Variants in CCDC169 observed in about 807,000 individuals in gnomAD.
The protein encoded by CCDC169 is coiled-coil domain containing 169.
In CCDC169, 30 loss-of-function variants were observed where a neutral mutation model predicts 36.0. That is an observed-to-expected ratio of 0.83 (90% confidence interval 0.62 to 1.13). CCDC169 has a LOEUF of 1.13. Ranked by LOEUF, CCDC169 falls within the 50% of genes most tolerant of loss-of-function variation. The pLI is 0.00. For synonymous variants in CCDC169, 85 were observed against 81.5 expected (o/e 1.04, Z -0.23); for missense variants, 245 against 245.9 (o/e 1.00, Z 0.03).
intron 6 of CCDC169, among the ~76,000 whole-genome samples, chr13:36,251,869 A>G (rs1047666737): frequency 1.2e-4 from 18 of 152,186 alleles, no homozygotes; most frequent in African/African-American, 4.1e-4. Context: ...CAGGAAAGTG[A>G]TATTCACCAT....
chr13:36,259,598 G>T (rs764072080), intron 4 of CCDC169, among the ~76,000 whole-genome samples: 1 of 152,098 alleles, frequency 6.6e-6, no homozygotes, highest in African/African-American at 2.4e-5. Flanking sequence ...GACAGCCCAC[G>T]ACCAACCAGA....
intron 7 of CCDC169, among the ~76,000 whole-genome samples, chr13:36,238,646 T>C (rs1410383358): frequency 6.6e-6 from 1 of 152,184 alleles, no homozygotes; most frequent in Admixed American, 6.5e-5. Context: ...TAAATGATTT[T>C]CTATTACACT....
chr13:36,286,088 G>A (rs1480409204), intron 2 of CCDC169, among the ~76,000 whole-genome samples: 2 of 152,196 alleles, frequency 1.3e-5, no homozygotes, highest in African/African-American at 4.8e-5. Context: ...GCCTGAGCCT[G>A]CCAGTCTGGT....
chr13:36,275,505 G>GT (rs1236155535), intron 4 of CCDC169, among the ~76,000 whole-genome samples: 1 of 152,150 alleles, frequency 6.6e-6, no homozygotes, highest in East Asian at 1.9e-4. Flanking sequence ...AGTGAGGGCT[G>GT]TCCACAGAAC....
rs66633645 is a variant in CCDC169 at position 36,272,084 on chromosome 13, C to CAA, written c.315+11383_315+11384dup. Among the ~76,000 whole-genome samples the CAA allele has an allele frequency of 2.2e-3, 229 of 101,894 alleles. 1 individual carries two copies. The highest frequency in any genetic ancestry group is 0.011 in the Middle Eastern group (2 of 186). The allele number at this position is 101,894 out of a possible 152,430, so 66.8% of individuals were successfully genotyped here. A position where few individuals can be genotyped will look rare whatever the true frequency, so the allele number is the denominator to read the frequency against. ...CGGGTGACAGAGTGAGGCTCCGTCT[C>CAA]AAAAAAAAAAAAAACTAAAAAAATA... On this transcript the variant is annotated intron_variant, in intron 4 of 7. Transcript: ENST00000239859.
At chr13:36,233,975 A>G (rs1235958200) in intron 7 of CCDC169, among the ~76,000 whole-genome samples, 1 of 152,184 alleles carries the variant, frequency 6.6e-6, no homozygotes, top group Non-Finnish European at 1.5e-5. Context: ...TCTAGGAGAG[A>G]CTGAAAGTCT....
chr13:36,277,701 C>T (rs1478694692), intron 4 of CCDC169, among the ~76,000 whole-genome samples: 3 of 152,122 alleles, frequency 2.0e-5, no homozygotes, highest in Admixed American at 2.0e-4. Flanking sequence ...GTGGCTCACG[C>T]CTGTAATGGG....
intron 4 of CCDC169, among the ~76,000 whole-genome samples, chr13:36,260,591 T>C (rs1874483920): frequency 6.6e-6 from 1 of 152,162 alleles, no homozygotes; most frequent in Non-Finnish European, 1.5e-5. Context: ...GTAAAACAAA[T>C]GTATGGAAAC....
downstream of CCDC169, among the ~76,000 whole-genome samples, chr13:36,228,605 G>A (rs960924821): frequency 1.3e-5 from 2 of 151,858 alleles, no homozygotes; most frequent in African/African-American, 2.4e-5. Flanking sequence ...TGTTGCCCAC[G>A]CTGGAGTGCA....
chr13:36,284,675 C>A (rs1398229619), intron 2 of CCDC169, among the ~76,000 whole-genome samples: 1 of 152,160 alleles, frequency 6.6e-6, no homozygotes, highest in African/African-American at 2.4e-5. Context: ...AGATTCAAAG[C>A]CCAAAGCTAA....
chr13:36,232,971 G>A (rs1053219563), intron 7 of CCDC169, among the ~76,000 whole-genome samples: 2 of 152,154 alleles, frequency 1.3e-5, no homozygotes, highest in African/African-American at 4.8e-5. Flanking sequence ...GTAACTGTGG[G>A]TATGCATAGG....
chr13:36,291,932 G>T (rs559111812), intron 2 of CCDC169, among the ~76,000 whole-genome samples: 2 of 151,634 alleles, frequency 1.3e-5, no homozygotes, highest in South Asian at 4.2e-4. Flanking sequence ...GCCTATAAAA[G>T]ACTCAAAGGA....
At chr13:36,288,615 C>G (rs1190559682) in intron 2 of CCDC169, among the ~76,000 whole-genome samples, 2 of 152,138 alleles carry the variant, frequency 1.3e-5, no homozygotes, top group East Asian at 1.9e-4. Context: ...ATCTGATAAA[C>G]AGTTCAGGAT....
chr13:36,291,570 T>G (rs962461092), intron 2 of CCDC169, among the ~76,000 whole-genome samples: 1 of 152,186 alleles, frequency 6.6e-6, no homozygotes, highest in East Asian at 1.9e-4. Flanking sequence ...ATTTTCTAAT[T>G]CTTTATTAAT....
In CCDC169 at chr13:36,254,073, T is replaced by A. The variant is rs1001192443; in HGVS notation, c.386A>T (p.Tyr129Phe). The A allele has an allele frequency of 7.7e-6, 12 of 1,548,722 alleles. No homozygotes were observed. The highest frequency in any genetic ancestry group is 1.0e-5 in the Non-Finnish European group (12 of 1,146,098). The change falls in exon 5 of 8, where the codon TAT becomes TTT. Residue 129 changes from tyrosine (Y) to phenylalanine (F), a missense_variant. Physicochemically the swap from Tyr to Phe is conservative, Grantham distance 22. Coordinates refer to ENST00000239859, the MANE Select transcript of CCDC169 (RefSeq NM_001144981.3). Reference sequence around the variant, plus strand: ...TGATTCTTGTTCCAGTTTAAGTGCATAGTATTTCACTTGACTTTCAAGAGT... The same window carrying A: ...TGATTCTTGTTCCAGTTTAAGTGCAAAGTATTTCACTTGACTTTCAAGAGT... ...KKTLESQVKY[Y>F]ALKLEQESKA...
intron 6 of CCDC169, 146 bp downstream of exon 6, chr13:36,253,657 G>A (rs1167426225): frequency 1.4e-5 from 13 of 940,054 alleles, no homozygotes; most frequent in South Asian, 1.9e-5. Flanking sequence ...TATACAAGTT[G>A]TATATTTTCC....
chr13:36,278,534 C>T lies in CCDC169; in HGVS notation c.315+4935G>A, dbSNP rs1877115233. On this transcript the variant is annotated intron_variant, in intron 4 of 7. Coordinates refer to ENST00000239859, the MANE Select transcript of CCDC169 (RefSeq NM_001144981.3). Reference sequence around the variant, plus strand: ...AACTCTGGACAACGTGTTTTATCCTCTCCTACAGCAGAATTTTCTAGAACA... The same window carrying T: ...AACTCTGGACAACGTGTTTTATCCTTTCCTACAGCAGAATTTTCTAGAACA... Among the ~76,000 whole-genome samples, 3 of 152,154 alleles carry T rather than the reference C, an allele frequency of 2.0e-5. No individual in the cohort carries two copies. In the South Asian group the frequency reaches 6.2e-4, roughly 32 times the overall value.
At position 36,297,770 on chromosome 13, in the gene CCDC169, C is replaced by T; in HGVS notation, c.-51G>A. ...TCTTTCCCCTCAGCACCTTAGAGCA[C>T]AAGACATTAAGGGCCACCCAGAAGC... On this transcript the variant is annotated 5_prime_UTR_variant, in exon 1 of 8. In the 5' UTR this introduces an upstream ATG that the reference lacks. Transcript: ENST00000239859. The T allele has an allele frequency of 1.3e-6, 2 of 1,517,154 alleles. No individual in the cohort carries two copies. The highest frequency in any genetic ancestry group is 1.7e-4 in the Middle Eastern group (1 of 5,944). The allele number at this position is 1,517,154 out of a possible 1,614,324, so 94.0% of individuals were successfully genotyped here. A position where few individuals can be genotyped will look rare whatever the true frequency, so the allele number is the denominator to read the frequency against.
chr13:36,254,216 T>C, intron 4 of CCDC169, 73 bp from the exon 5 acceptor site: 1 of 1,063,192 alleles, frequency 9.4e-7, no homozygotes, highest in Non-Finnish European at 1.3e-6. Flanking sequence ...ATCAATTTCT[T>C]CACTAGTAAA....
Sources: gnomAD v4.1 joint callset for allele counts (sites outside exome capture counted in the v4.1 genomes callset) on GRCh38, gnomAD v4.1.1 for gene constraint, MANE v1.5 for transcripts, NCBI Gene and HGNC (gene_info 2026-07-23, HGNC 2026-07-21) for gene names.